The following PRKCE variants were observed in gnomAD, a reference collection of about 807,000 sequenced individuals.
PRKCE encodes the protein protein kinase C epsilon type.
Under a neutral mutation model 85.4 loss-of-function variants are expected in PRKCE, and 16 were observed. The ratio of observed to expected loss-of-function variants is 0.19; its 90% CI spans 0.13 to 0.28. The LOEUF (loss-of-function observed/expected upper bound fraction) is 0.28. PRKCE is among the 10% of genes least tolerant of loss of function. The pLI, the probability that PRKCE is intolerant of heterozygous loss-of-function variation, is 1.00. For synonymous variants in PRKCE, 388 were observed against 371.5 expected (o/e 1.04, Z -0.51); for missense variants, 573 against 975.2 (o/e 0.59, Z 5.49).
chr2:45,933,441 T>G lies in PRKCE; in HGVS notation c.413-42988T>G, dbSNP rs560268566. On this transcript the variant is annotated intron_variant, in intron 2 of 14. Transcript: ENST00000306156. ...TATGACTTCTTCCAAAAGTTTTGTT[T>G]TACCTTTCACCTCATATGCCTGCTT... Among the ~76,000 whole-genome samples, 130 of 150,820 alleles carry G rather than the reference T, an allele frequency of 8.6e-4. 1 individual carries two copies. Among genetic ancestry groups the G allele is most frequent in the African/African-American group, 3.0e-3 (124 of 41,170 alleles).
intron 1 of PRKCE, among the ~76,000 whole-genome samples, chr2:45,801,168 C>A (rs539910563): frequency 1.3e-5 from 2 of 152,198 alleles, no homozygotes; most frequent in East Asian, 3.9e-4. Flanking sequence ...GAAGAGTTAG[C>A]CACATGTGGG....
intron 2 of PRKCE, among the ~76,000 whole-genome samples, chr2:45,935,416 A>G (rs1699370702): frequency 6.6e-6 from 1 of 152,216 alleles, no homozygotes. Context: ...GCTAAAAAAT[A>G]TTAATACTTT....
chr2:45,876,217 C>T (rs142119622), intron 2 of PRKCE, among the ~76,000 whole-genome samples: 116 of 152,282 alleles, frequency 7.6e-4, no homozygotes, highest in African/African-American at 2.5e-3. Context: ...ATGAAAATCT[C>T]GTCAAATCAC....
intron 11 of PRKCE, among the ~76,000 whole-genome samples, chr2:46,128,877 G>T (rs953979200): frequency 2.0e-5 from 3 of 152,136 alleles, no homozygotes; most frequent in African/African-American, 7.2e-5. Flanking sequence ...GGTCCTGCTC[G>T]TGGGCACTTG....
intron 13 of PRKCE, among the ~76,000 whole-genome samples, chr2:46,154,714 T>C (rs573947775): frequency 2.8e-4 from 42 of 151,592 alleles, no homozygotes; most frequent in South Asian, 2.3e-3. Flanking sequence ...GTTGACTCAG[T>C]AGCATTTTCT....
rs1486661612 is a variant in PRKCE, at chr2:45,983,972, C to G, written c.694-579C>G. ...TTTTTTTTTGAGACAGAGTCTTGCT[C>G]TGTCACCCAGGCTAGGGTGCAGTGG... On this transcript the variant is annotated intron_variant, in intron 5 of 14. Transcript: ENST00000306156. Among the ~76,000 whole-genome samples the G allele has an allele frequency of 3.5e-5, 5 of 141,788 alleles. No homozygotes were observed. The South Asian group carries it at 9.0e-4, about 26-fold the overall frequency. The allele number at this position is 141,788 out of a possible 152,430, so 93.0% of individuals were successfully genotyped here.
intron 1 of PRKCE, among the ~76,000 whole-genome samples, chr2:45,718,184 T>A (rs998519861): frequency 2.0e-5 from 3 of 152,154 alleles, no homozygotes; most frequent in African/African-American, 7.2e-5. Context: ...TAAATGTCAA[T>A]AGCACTTTCC....
At chr2:45,712,949 T>C (rs1679790120) in intron 1 of PRKCE, among the ~76,000 whole-genome samples, 1 of 152,188 alleles carries the variant, frequency 6.6e-6, no homozygotes, top group Non-Finnish European at 1.5e-5. Context: ...TGCTCAGAGA[T>C]TGTGACTAGA....
rs1488342325 is a variant in PRKCE, at chr2:45,973,200, G to A, written c.413-3229G>A. 2.0e-5 allele frequency among the ~76,000 whole-genome samples: 3 copies of A among 152,206 alleles called. No homozygotes were observed. The East Asian group carries it at 5.8e-4, about 29-fold the overall frequency. ...GTGGACTCCAGGCCCCAGTAGGGAG[G>A]TTCTTGGGGACTGAGGGACCTAGTA... is the stretch of plus-strand genomic sequence containing the variant. On this transcript the variant is annotated intron_variant, in intron 2 of 14. Transcript: ENST00000306156.
chr2:46,150,289 C>G (rs1676491387), intron 12 of PRKCE, among the ~76,000 whole-genome samples: 1 of 152,146 alleles, frequency 6.6e-6, no homozygotes, highest in Non-Finnish European at 1.5e-5. Context: ...CAAAATGCAC[C>G]AGACAATCAA....
At chr2:45,712,248 A>G (rs889460282) in intron 1 of PRKCE, among the ~76,000 whole-genome samples, 24 of 146,746 alleles carry the variant, frequency 1.6e-4, no homozygotes, top group African/African-American at 6.1e-4. Context: ...CCCAGGTTCA[A>G]GAGATTCTCC....
chr2:45,876,766 A>C (rs1252323642), intron 2 of PRKCE, among the ~76,000 whole-genome samples: 1 of 152,228 alleles, frequency 6.6e-6, no homozygotes, highest in Non-Finnish European at 1.5e-5. Context: ...TATAAACAGC[A>C]TACTGTTAGA....
chr2:45,974,870 C>G (rs1194208971), intron 2 of PRKCE, among the ~76,000 whole-genome samples: 2 of 152,050 alleles, frequency 1.3e-5, no homozygotes, highest in African/African-American at 2.4e-5. Context: ...AGGGGACCTT[C>G]TAGGAGACCT....
chr2:45,796,185 G>T (rs954271407), intron 1 of PRKCE, among the ~76,000 whole-genome samples: 2 of 152,110 alleles, frequency 1.3e-5, no homozygotes, highest in Admixed American at 6.5e-5. Context: ...GCCCCAGTTA[G>T]TTGTCTTATT....
At chr2:46,174,192 G>A (rs1176954069) in intron 14 of PRKCE, among the ~76,000 whole-genome samples, 1 of 152,372 alleles carries the variant, frequency 6.6e-6, no homozygotes, top group Middle Eastern at 3.4e-3. Flanking sequence ...TGAGGCTTGG[G>A]CAGCTTGTCC....
At chr2:45,926,856 G>A (rs1357925701) in intron 2 of PRKCE, among the ~76,000 whole-genome samples, 1 of 152,220 alleles carries the variant, frequency 6.6e-6, no homozygotes, top group Non-Finnish European at 1.5e-5. Flanking sequence ...GTGCATGTGT[G>A]AGTGTGCACA....
chr2:45,961,238 C>T (rs1255222778), intron 2 of PRKCE, among the ~76,000 whole-genome samples: 3 of 151,774 alleles, frequency 2.0e-5, no homozygotes, highest in Non-Finnish European at 4.4e-5. Context: ...ACCTCCTTTC[C>T]CCCCCCGATT....
chr2:45,803,873 T>C (rs1013763937), intron 1 of PRKCE, among the ~76,000 whole-genome samples: 6 of 152,164 alleles, frequency 3.9e-5, no homozygotes, highest in Non-Finnish European at 7.3e-5. Context: ...CTCCATGAAA[T>C]AGTCTGTCTA....
At chr2:45,978,830 G>C in intron 3 of PRKCE, 146 bp from the exon 4 acceptor site, 1 of 667,836 alleles carries the variant, frequency 1.5e-6, no homozygotes, top group African/African-American at 1.8e-5. Context: ...AAGGCACCTT[G>C]CAAGTGAGAG....
Sources: gnomAD v4.1 joint callset for allele counts (sites outside exome capture counted in the v4.1 genomes callset) on GRCh38, gnomAD v4.1.1 for gene constraint, MANE v1.5 for transcripts, NCBI Gene and HGNC (gene_info 2026-07-23, HGNC 2026-07-21) for gene names.